The following BRINP1 variants were observed in gnomAD, a reference collection of about 807,000 sequenced individuals.
BRINP1 encodes BMP/retinoic acid-inducible neural-specific protein 1.
Under a neutral mutation model 72.9 loss-of-function variants are expected in BRINP1, and 17 were observed. The observed-to-expected ratio is 0.23, with a 90% CI of 0.16 to 0.35. The LOEUF (loss-of-function observed/expected upper bound fraction) is 0.35, where lower values mean the gene tolerates loss of function less well. Ranked by LOEUF, BRINP1 falls within the 10% of genes least tolerant of loss-of-function variation. The probability of loss-of-function intolerance (pLI) is 1.00; values close to 1 mark genes in which losing one functional copy is unlikely to be tolerated. For synonymous variants in BRINP1, 418 were observed against 378.5 expected (o/e 1.10, Z -1.21); for missense variants, 850 against 1,001.6 (o/e 0.85, Z 2.04).
At chr9:119,196,711 C>T (rs2118856601) in intron 7 of BRINP1, among the ~76,000 whole-genome samples, 1 of 152,274 alleles carries the variant, frequency 6.6e-6, no homozygotes, top group Non-Finnish European at 1.5e-5. Context: ...CCTTATTTTA[C>T]AGATGAGGAC....
At chr9:119,345,109 CCT>C (rs1385501049) in intron 1 of BRINP1, among the ~76,000 whole-genome samples, 1 of 152,166 alleles carries the variant, frequency 6.6e-6, no homozygotes, top group South Asian at 2.1e-4. Flanking sequence ...ACCCAAAACC[CCT>C]GTCTCATTGA....
At chr9:119,252,690 G>T (rs997429923) in intron 2 of BRINP1, among the ~76,000 whole-genome samples, 6 of 152,016 alleles carry the variant, frequency 3.9e-5, no homozygotes, top group Non-Finnish European at 5.9e-5. Flanking sequence ...TAAAGGTCAT[G>T]TAGCTAATGA....
chr9:119,350,656 A>G (rs1831498580), intron 1 of BRINP1, among the ~76,000 whole-genome samples: 1 of 152,106 alleles, frequency 6.6e-6, no homozygotes, highest in Admixed American at 6.5e-5. Context: ...ACGTCCATGA[A>G]CATGTGCACA....
chr9:119,193,365 GA>G, intron 7 of BRINP1, among the ~76,000 whole-genome samples: 1 of 151,726 alleles, frequency 6.6e-6, no homozygotes, highest in African/African-American at 2.4e-5. Flanking sequence ...AGAAGGAAAA[GA>G]AAAAAAGAGC....
At position 119,214,148 on chromosome 9, in the gene BRINP1, C is replaced by T; in HGVS notation, c.693G>A (p.Gln231=). 6.2e-7 allele frequency: 1 copy of T among 1,611,302 alleles called. No homozygotes were observed. Among genetic ancestry groups the T allele is most frequent in the Non-Finnish European group, 8.5e-7 (1 of 1,177,480 alleles). The change falls in exon 6 of 8, where the codon CAG becomes CAA. Residue 231 remains glutamine (Q), a synonymous_variant. Transcript: ENST00000265922. ...CTTGCAGATACTGAGGAAAGATTAT[C>T]TGAAGACCTGTGTGAGAATAGCAAG... ...TESKLHLQGL[Q]IIFPQYLQEK...
At chr9:119,252,558 G>A (rs1033007373) in intron 2 of BRINP1, among the ~76,000 whole-genome samples, 2 of 151,608 alleles carry the variant, frequency 1.3e-5, no homozygotes, top group African/African-American at 4.8e-5. Context: ...TCATACGTGT[G>A]TGTGTGTGTG....
rs140307184 is a variant in BRINP1, at chr9:119,357,123, A to G, written c.-51+11933T>C. Among the ~76,000 whole-genome samples the G allele has an allele frequency of 7.7e-3, 1,174 of 152,302 alleles. 20 individuals are homozygous for G. Among genetic ancestry groups the G allele is most frequent in the African/African-American group, 0.026 (1,087 of 41,554 alleles). ...TGATAGTAGGTGATCTTAATACCAT[A>G]TCTGGGCTCATGTTCTTTTACTAGA... On this transcript the variant is annotated intron_variant, in intron 1 of 7. Coordinates refer to ENST00000265922, the MANE Select transcript of BRINP1 (RefSeq NM_014618.3).
At chr9:119,267,169 G>A (rs1349234770) in intron 2 of BRINP1, among the ~76,000 whole-genome samples, 1 of 152,182 alleles carries the variant, frequency 6.6e-6, no homozygotes, top group East Asian at 1.9e-4. Context: ...AGAGTTTATA[G>A]GACTTGCTGA....
rs1224038280 is a variant in BRINP1, at chr9:119,282,931, T to G, written c.218+30207A>C. 21 of 985,230 alleles carry G rather than the reference T, an allele frequency of 2.1e-5. No individual in the cohort carries two copies. In the Admixed American group the frequency reaches 8.0e-4, roughly 38 times the overall value. The allele number at this position is 985,230 out of a possible 1,614,324, so 61.0% of individuals were successfully genotyped here. A position where few individuals can be genotyped will look rare whatever the true frequency, so the allele number is the denominator to read the frequency against. ...TCTATGCCCCTGGGAGGAAGGTAGG[T>G]TCTTTCTCTCTTCAATGTTATATTA... On this transcript the variant is annotated intron_variant, in intron 2 of 7. Coordinates refer to ENST00000265922, the MANE Select transcript of BRINP1 (RefSeq NM_014618.3).
intron 7 of BRINP1, among the ~76,000 whole-genome samples, chr9:119,192,510 AATC>A (rs1829693049): frequency 1.3e-5 from 2 of 152,086 alleles, no homozygotes; most frequent in African/African-American, 4.8e-5. Flanking sequence ...CAACAGCACT[AATC>A]ATCAGAGAAG....
At chr9:119,221,037 C>T (rs564555722) in intron 5 of BRINP1, among the ~76,000 whole-genome samples, 4 of 152,224 alleles carry the variant, frequency 2.6e-5, no homozygotes, top group African/African-American at 9.6e-5. Context: ...TCTTTTCTGA[C>T]CTATTTCATT....
intron 5 of BRINP1, among the ~76,000 whole-genome samples, chr9:119,224,265 TA>T (rs1830070009): frequency 6.6e-6 from 1 of 152,106 alleles, no homozygotes; most frequent in Non-Finnish European, 1.5e-5. Flanking sequence ...AAGACCTCTC[TA>T]ACTTTTATAA....
intron 1 of BRINP1, among the ~76,000 whole-genome samples, chr9:119,329,849 T>C (rs546229898): frequency 1.3e-5 from 2 of 152,260 alleles, no homozygotes; most frequent in South Asian, 2.1e-4. Flanking sequence ...CTGAGACCCA[T>C]GGTCTCAAAG....
chr9:119,195,714 C>G (rs1685953585), intron 7 of BRINP1, among the ~76,000 whole-genome samples: 1 of 152,136 alleles, frequency 6.6e-6, no homozygotes, highest in South Asian at 2.1e-4. Context: ...GGGGTGGTAC[C>G]TGCAGGGAGA....
chr9:119,169,935 GA>G (rs978818784), intron 7 of BRINP1, among the ~76,000 whole-genome samples: 2 of 151,826 alleles, frequency 1.3e-5, no homozygotes, highest in Non-Finnish European at 2.9e-5. Context: ...CTGTTAGAAG[GA>G]AAACTAACAA....
At chr9:119,191,349 C>G (rs540863214) in intron 7 of BRINP1, among the ~76,000 whole-genome samples, 1 of 151,832 alleles carries the variant, frequency 6.6e-6, no homozygotes, top group South Asian at 2.1e-4. Flanking sequence ...AGAATAAACT[C>G]TATTTGCAAG....
At chr9:119,253,758 A>T (rs1830417357) in intron 2 of BRINP1, among the ~76,000 whole-genome samples, 1 of 152,208 alleles carries the variant, frequency 6.6e-6, no homozygotes, top group Non-Finnish European at 1.5e-5. Flanking sequence ...GTAGAAAGAA[A>T]GGGATGTGTG....
Position 119,362,325 on chromosome 9 carries a change from A to G in BRINP1, c.-51+6731T>C, listed in dbSNP as rs141881483. Among the ~76,000 whole-genome samples the G allele has an allele frequency of 9.1e-4, 138 of 152,214 alleles. 1 individual carries two copies. Among genetic ancestry groups the G allele is most frequent in the Non-Finnish European group, 1.4e-3 (96 of 68,014 alleles). ...ATATTCCGAATTAATGGAGACAGAA[A>G]AAGATACTGCCTGTGATCTCTGAGA... is the stretch of plus-strand genomic sequence containing the variant. On this transcript the variant is annotated intron_variant, in intron 1 of 7. Transcript: ENST00000265922.
chr9:119,226,344 T>C (rs1830092378), intron 5 of BRINP1, among the ~76,000 whole-genome samples: 1 of 152,074 alleles, frequency 6.6e-6, no homozygotes, highest in African/African-American at 2.4e-5. Flanking sequence ...AGGAATCTAA[T>C]GGGACATGGT....
Sources: gnomAD v4.1 joint callset for allele counts (sites outside exome capture counted in the v4.1 genomes callset) on GRCh38, gnomAD v4.1.1 for gene constraint, MANE v1.5 for transcripts, NCBI Gene and HGNC (gene_info 2026-07-23, HGNC 2026-07-21) for gene names.